STPG4: variants seen among roughly 807,000 people sequenced by gnomAD.
STPG4 encodes sperm-tail PG-rich repeat containing 4, also known as protein STPG4.
STPG4 carries 41 observed loss-of-function variants against 31.5 expected under a neutral mutation model. The ratio of observed to expected loss-of-function variants is 1.30; its 90% CI spans 1.01 to 1.69. The LOEUF (loss-of-function observed/expected upper bound fraction) is 1.69, where lower values mean the gene tolerates loss of function less well. Ranked by LOEUF, STPG4 falls within the 40% of genes most tolerant of loss-of-function variation. STPG4 has a pLI of 0.00. For synonymous variants in STPG4, 141 were observed against 103.0 expected (o/e 1.37, Z -2.24); for missense variants, 375 against 293.4 (o/e 1.28, Z -2.03).
intron 3 of STPG4, among the ~76,000 whole-genome samples, chr2:47,144,397 T>C (rs1322341340): frequency 6.6e-6 from 1 of 152,170 alleles, no homozygotes; most frequent in South Asian, 2.1e-4. Flanking sequence ...AAATGTTGTA[T>C]AGACTGGACA....
Position 47,153,009 on chromosome 2 carries a change from G to A in STPG4, c.89C>T (p.Ala30Val). The A allele has an allele frequency of 1.2e-6, 2 of 1,609,998 alleles. No homozygotes were observed. The highest frequency in any genetic ancestry group is 1.7e-6 in the Non-Finnish European group (2 of 1,177,304). ...GESFITASKP[A>V]QKTSSFEREG... is the part of the protein sequence containing the mutation. ...TCTTTCAAAAGAGGAAGTCTTTTGG[G>A]CTGGTTTCTGTTAACAAACACAAAG... Residue 30 changes from alanine (A) to valine (V), a missense_variant, in exon 2 of 7, where the codon GCC (alanine) becomes GTC (valine). Coordinates refer to ENST00000445927, the MANE Select transcript of STPG4 (RefSeq NM_001163561.2).
chr2:47,135,168 T>C (rs758156100), intron 3 of STPG4, among the ~76,000 whole-genome samples: 1 of 152,224 alleles, frequency 6.6e-6, no homozygotes, highest in South Asian at 2.1e-4. Flanking sequence ...TCAGTGTCTT[T>C]TGCTGAGCAG....
intron 5 of STPG4, chr2:47,129,479 C>G: frequency 6.3e-6 from 1 of 158,490 alleles, no homozygotes; most frequent in Non-Finnish European, 1.4e-5. Flanking sequence ...ATGGGCAATT[C>G]CTGGCTGGCT....
intron 3 of STPG4, among the ~76,000 whole-genome samples, chr2:47,137,756 G>C (rs1686624882): frequency 6.6e-6 from 1 of 152,042 alleles, no homozygotes. Context: ...CAAATTTGTG[G>C]AAATAGGGTT....
chr2:47,148,820 G>T (rs191094046), intron 3 of STPG4, among the ~76,000 whole-genome samples: 3 of 152,202 alleles, frequency 2.0e-5, no homozygotes, highest in African/African-American at 7.2e-5. Flanking sequence ...TGAGAATGAT[G>T]GTTTCCAGCT....
In STPG4 at chr2:47,104,867, CCAGAGGGGCCAG is replaced by C. The variant is rs554673488; in HGVS notation, c.520-14505_520-14494del. 7.4e-4 allele frequency among the ~76,000 whole-genome samples: 112 copies of C among 152,098 alleles called. 1 individual carries two copies. Among genetic ancestry groups the C allele is most frequent in the Middle Eastern group, 6.8e-3 (2 of 294 alleles). On this transcript the variant is annotated intron_variant, in intron 5 of 6. Transcript: ENST00000445927. ...GTCAAATATCTAGGCCGAATCTTAG[CCAGAGGGGCCAG>C]GGCCCTCAGCAAGGAACAAATACAG...
chr2:47,114,598 T>G (rs1452929656), intron 5 of STPG4, among the ~76,000 whole-genome samples: 2 of 152,200 alleles, frequency 1.3e-5, no homozygotes, highest in Non-Finnish European at 2.9e-5. Context: ...CCAATATTCT[T>G]GCATGACAAA....
intron 3 of STPG4, among the ~76,000 whole-genome samples, chr2:47,130,490 T>A (rs1481386733): frequency 6.6e-6 from 1 of 152,204 alleles, no homozygotes; most frequent in African/African-American, 2.4e-5. Context: ...AGATGCTGCA[T>A]AGGAAAATGT....
chr2:47,151,274 A>C lies in STPG4; in HGVS notation c.383T>G (p.Leu128Arg). The change falls in exon 3 of 7, where the codon CTA becomes CGA. Residue 128 changes from leucine to arginine, a missense_variant. By Grantham distance (102) the Leu-to-Arg change is moderately radical. Coordinates refer to ENST00000445927, the MANE Select transcript of STPG4 (RefSeq NM_001163561.2). The stretch of plus-strand genomic sequence containing the variant: ...GCGCTTTACCTGATCTTTGTCAACT[A>C]GTGTGCTGGGGCTTGGCCGTGGTTT... ...KDKPRPSPSTLVDKDQSLQLS... is the reference protein window; with the variant it reads ...KDKPRPSPSTRVDKDQSLQLS... 1 of 1,614,178 alleles carries C rather than the reference A, an allele frequency of 6.2e-7. No individual in the cohort carries two copies. Among genetic ancestry groups the C allele is most frequent in the Non-Finnish European group, 8.5e-7 (1 of 1,180,018 alleles).
intron 5 of STPG4, among the ~76,000 whole-genome samples, chr2:47,127,444 T>C (rs1478364831): frequency 6.6e-6 from 1 of 152,012 alleles, no homozygotes; most frequent in African/African-American, 2.4e-5. Context: ...GCTTTTTGTA[T>C]TTTTAGTAGA....
intron 3 of STPG4, among the ~76,000 whole-genome samples, chr2:47,131,941 G>C (rs1686492050): frequency 6.6e-6 from 1 of 152,158 alleles, no homozygotes; most frequent in African/African-American, 2.4e-5. Flanking sequence ...GAGGCATGTG[G>C]ATTGCTTGAG....
At chr2:47,105,557 T>C (rs570115836) in intron 5 of STPG4, among the ~76,000 whole-genome samples, 1 of 152,128 alleles carries the variant, frequency 6.6e-6, no homozygotes, top group Admixed American at 6.5e-5. Flanking sequence ...CAAATTATAG[T>C]CCAGACTTAC....
chr2:47,147,720 G>A (rs1237198642), intron 3 of STPG4, among the ~76,000 whole-genome samples: 1 of 152,068 alleles, frequency 6.6e-6, no homozygotes, highest in Admixed American at 6.5e-5. Flanking sequence ...AGTAACCCAG[G>A]GGTCAGTGGA....
intron 5 of STPG4, among the ~76,000 whole-genome samples, chr2:47,120,685 G>C (rs1686251097): frequency 6.6e-6 from 1 of 152,140 alleles, no homozygotes; most frequent in South Asian, 2.1e-4. Flanking sequence ...AGAGGTCATA[G>C]GGGTAGCAAA....
chr2:47,090,006 T>C (rs1378109642), intron 6 of STPG4, among the ~76,000 whole-genome samples: 1 of 152,236 alleles, frequency 6.6e-6, no homozygotes, highest in African/African-American at 2.4e-5. Context: ...ATTAATGTGC[T>C]GCTTCCAACT....
chr2:47,148,333 G>A (rs1183068542), intron 3 of STPG4, among the ~76,000 whole-genome samples: 2 of 151,826 alleles, frequency 1.3e-5, no homozygotes, highest in African/African-American at 4.8e-5. Context: ...TAGCCACTCA[G>A]CACTTGGGTG....
intron 5 of STPG4, among the ~76,000 whole-genome samples, chr2:47,119,585 G>GA (rs909584264): frequency 1.8e-4 from 27 of 152,338 alleles, no homozygotes; most frequent in African/African-American, 6.5e-4. Flanking sequence ...ATGCAGTGGA[G>GA]AAAAAACTTG....
intron 3 of STPG4, among the ~76,000 whole-genome samples, chr2:47,136,413 G>A (rs1031962559): frequency 1.3e-5 from 2 of 152,168 alleles, no homozygotes; most frequent in Non-Finnish European, 2.9e-5. Context: ...CTCCCAAAGT[G>A]CTGGGATTAC....
intron 5 of STPG4, among the ~76,000 whole-genome samples, chr2:47,125,876 C>G (rs1423879357): frequency 6.6e-6 from 1 of 152,074 alleles, no homozygotes. Context: ...AGTCTTTAAT[C>G]CATTTTGATT....
Sources: allele counts gnomAD v4.1 joint callset (sites outside exome capture counted in the v4.1 genomes callset), GRCh38; gene constraint gnomAD v4.1.1; transcripts MANE v1.5; gene names NCBI Gene and HGNC (gene_info 2026-07-23, HGNC 2026-07-21).